Variants in LYST observed in about 807,000 individuals in gnomAD.
The protein encoded by LYST is lysosomal trafficking regulator, also known as lysosomal-trafficking regulator.
LYST carries 192 observed loss-of-function variants against 413.6 expected under a neutral mutation model. That is an observed-to-expected ratio of 0.46 (90% CI 0.41 to 0.52). The LOEUF (loss-of-function observed/expected upper bound fraction) is 0.52, where lower values mean the gene tolerates loss of function less well. Ranked by LOEUF, LYST falls within the 20% of genes least tolerant of loss-of-function variation. LYST has a pLI of 0.00. For missense variants in LYST, 3,815 were observed against 4,499.9 expected (o/e 0.85, Z 4.35); for synonymous variants, 1,525 against 1,567.3 (o/e 0.97, Z 0.64).
intron 1 of LYST, among the ~76,000 whole-genome samples, chr1:235,880,273 G>GA (rs1423914070): frequency 6.6e-6 from 1 of 152,184 alleles, no homozygotes; most frequent in Non-Finnish European, 1.5e-5. Flanking sequence ...CAATATATGT[G>GA]AAAAAAACTC....
chr1:235,800,703 G>C (rs1672119597), intron 9 of LYST, among the ~76,000 whole-genome samples, 168 bp downstream of exon 9: 1 of 152,070 alleles, frequency 6.6e-6, no homozygotes, highest in South Asian at 2.1e-4. Context: ...GAAAACTATG[G>C]AATTAGAAGA....
upstream of LYST, among the ~76,000 whole-genome samples, chr1:235,867,559 C>A (rs1680697787): frequency 1.3e-5 from 2 of 152,166 alleles, no homozygotes; most frequent in African/African-American, 4.8e-5. Context: ...TGTTCAAACA[C>A]GGTTTGTATA....
intron 1 of LYST, among the ~76,000 whole-genome samples, chr1:235,849,240 C>T (rs1678246107): frequency 6.6e-6 from 1 of 151,970 alleles, no homozygotes; most frequent in Non-Finnish European, 1.5e-5. Context: ...TGTGATACAC[C>T]ACATAAACAG....
chr1:235,735,822 T>C (rs1314451807), intron 31 of LYST: 1 of 152,092 alleles, frequency 6.6e-6, no homozygotes, highest in Non-Finnish European at 1.5e-5. Flanking sequence ...CTCATTTTAA[T>C]GCAACATTTT....
intron 30 of LYST, among the ~76,000 whole-genome samples, chr1:235,742,116 G>T (rs1313771345): frequency 6.6e-6 from 1 of 152,058 alleles, no homozygotes; most frequent in African/African-American, 2.4e-5. Context: ...GGGAAGGGGT[G>T]GTAAAAGTTA....
At chr1:235,680,743 C>A (rs1363190257) in intron 48 of LYST, among the ~76,000 whole-genome samples, 3 of 152,044 alleles carry the variant, frequency 2.0e-5, no homozygotes, top group Non-Finnish European at 2.9e-5. Context: ...GAATTACAGG[C>A]AGCTGCCACC....
intron 11 of LYST, among the ~76,000 whole-genome samples, chr1:235,792,379 A>G (rs1453924622): frequency 6.6e-6 from 1 of 151,990 alleles, no homozygotes; most frequent in Non-Finnish European, 1.5e-5. Context: ...CAGTTGCACA[A>G]TCTCGGCTCA....
At position 235,746,368 on chromosome 1, in the gene LYST, G is replaced by C. The variant is rs1273751838; in HGVS notation, c.7940C>G (p.Thr2647Ser). 2 of 1,613,762 alleles carry C rather than the reference G, an allele frequency of 1.2e-6. No individual in the cohort carries two copies. The highest frequency in any genetic ancestry group is 1.6e-4 in the Middle Eastern group (1 of 6,082). Reference sequence around the variant, plus strand: ...AATAATCCTGTTGACTGCTAAAACAGTGAGCCTCTGTAGTCTCTGCGCAAG... The same window carrying C: ...AATAATCCTGTTGACTGCTAAAACACTGAGCCTCTGTAGTCTCTGCGCAAG... ...TELAQRLQRL[T>S]VLAVNRIIYQ... Residue 2647 changes from threonine (T) to serine (S), a missense_variant, in exon 29 of 53, where the codon ACT becomes AGT. Transcript: ENST00000389793.
rs1415024469 is a variant in LYST, at chr1:235,819,370, TTTACTC to T, written c.193-6315_193-6310del. On this transcript the variant is annotated intron_variant, in intron 3 of 52. Coordinates refer to ENST00000389793, the MANE Select transcript of LYST (RefSeq NM_000081.4). ...TGTCCTTTTAGAAGTGATAAAATCC[TTTACTC>T]TTAATTTGTGGGCACCCTGGCAAAT... Among the ~76,000 whole-genome samples, 4 of 152,324 alleles carry T rather than the reference TTTACTC, an allele frequency of 2.6e-5. No individual in the cohort carries two copies. The South Asian group carries it at 8.3e-4, about 32-fold the overall frequency.
intron 14 of LYST, among the ~76,000 whole-genome samples, chr1:235,782,392 C>T (rs1473853219): frequency 5.3e-5 from 8 of 151,910 alleles, no homozygotes; most frequent in Non-Finnish European, 1.2e-4. Flanking sequence ...CCAGGATGGT[C>T]TCTATCTCCT....
At chr1:235,800,804 T>C in intron 9 of LYST, 67 bp downstream of exon 9, 1 of 1,092,680 alleles carries the variant, frequency 9.2e-7, no homozygotes, top group South Asian at 1.3e-5. Context: ...GGGTTATACA[T>C]AAGGAGATGT....
rs994551942 is a variant in LYST, at chr1:235,742,569, G to GTT, written c.8152-943_8152-942dup. Among the ~76,000 whole-genome samples, 16 of 130,868 alleles carry GTT rather than the reference G, an allele frequency of 1.2e-4. 1 individual carries two copies. Among genetic ancestry groups the GTT allele is most frequent in the South Asian group, 9.0e-4 (4 of 4,444 alleles). 85.9% of individuals were successfully genotyped at this position (130,868 alleles called of 152,430 possible). A position where few individuals can be genotyped will look rare whatever the true frequency, so the allele number is the denominator to read the frequency against. ...AAATGGTTAAAATGGTAAATTTTAT[G>GTT]TTATATATATATATATATATCTTAC... On this transcript the variant is annotated intron_variant, in intron 30 of 52. Transcript: ENST00000389793.
chr1:235,666,590 GCACACACACACACACATACA>G (rs1390885545), intron 50 of LYST, among the ~76,000 whole-genome samples: 12 of 74,532 alleles, frequency 1.6e-4, no homozygotes, highest in African/African-American at 5.0e-5. Context: ...AGACACACAT[GCACACACACACACACATACA>G]CACACACACA....
chr1:235,806,710 A>G lies in LYST; in HGVS notation c.2426T>C (p.Leu809Ser). 2 of 1,613,296 alleles carry G rather than the reference A, an allele frequency of 1.2e-6. No homozygotes were observed. The highest frequency in any genetic ancestry group is 1.7e-6 in the Non-Finnish European group (2 of 1,179,244). The part of the protein sequence containing the change: ...GVSQIIELNC[L>S]NGIRSHSLKA... ...TAGAGAATGACTTCGAATACCATTT[A>G]AGCAATTTAATTCGATTATTTGACT... is the stretch of plus-strand genomic sequence containing the variant. The change falls in exon 6 of 53, where the codon TTA becomes TCA. Residue 809 changes from leucine (L) to serine (S), a missense_variant. By Grantham distance (145) the Leu-to-Ser change is moderately radical. Around this residue, in one of 4 missense-constraint regions of LYST, gnomAD observed 1,648 missense variants for 1,810.3 expected, o/e 0.91. Coordinates refer to ENST00000389793, the MANE Select transcript of LYST (RefSeq NM_000081.4).
intron 1 of LYST, among the ~76,000 whole-genome samples, chr1:235,855,180 A>T (rs1297709246): frequency 6.6e-6 from 1 of 152,202 alleles, no homozygotes; most frequent in African/African-American, 2.4e-5. Flanking sequence ...TTAAAACTAG[A>T]TTATACTTTT....
At position 235,715,346 on chromosome 1, in the gene LYST, T is replaced by C. The variant is rs1250508344; in HGVS notation, c.9639A>G (p.Glu3213=). The change falls in exon 42 of 53, where the codon GAA becomes GAG. Residue 3213 remains glutamate, a synonymous_variant. Coordinates refer to ENST00000389793, the MANE Select transcript of LYST (RefSeq NM_000081.4). ...RYVDTYKYLE[E]EYRKGAREDD... ...CTTCTCTGGCTCCTTTGCGGTACTC[T>C]TCCTCCAAGTACTGAAAGAAACGGT... 2.5e-5 allele frequency: 41 copies of C among 1,613,788 alleles called. No homozygotes were observed. Among genetic ancestry groups the C allele is most frequent in the Non-Finnish European group, 3.3e-5 (39 of 1,179,886 alleles).
chr1:235,748,803 T>G (rs143888717), intron 28 of LYST, among the ~76,000 whole-genome samples: 24 of 152,256 alleles, frequency 1.6e-4, no homozygotes, highest in African/African-American at 5.8e-4. Context: ...TGAAGAAACT[T>G]TGGTTCCAAG....
chr1:235,679,279 G>T (rs1370191377), intron 48 of LYST, among the ~76,000 whole-genome samples: 1 of 152,092 alleles, frequency 6.6e-6, no homozygotes, highest in African/African-American at 2.4e-5. Context: ...CCAGGAGTCT[G>T]CAGAGCCACT....
intron 14 of LYST, 80 bp from the exon 15 acceptor site, chr1:235,782,167 A>G (rs544103052): frequency 1.6e-6 from 2 of 1,240,516 alleles, no homozygotes; most frequent in East Asian, 5.1e-5. Context: ...TGAATATTTA[A>G]CAATGGGGAA....
Sources: gnomAD v4.1 joint callset for allele counts (sites outside exome capture counted in the v4.1 genomes callset) on GRCh38, gnomAD v4.1.1 for gene constraint, gnomAD v4.1.1 regional missense constraint, MANE v1.5 for transcripts, NCBI Gene and HGNC (gene_info 2026-07-23, HGNC 2026-07-21) for gene names.